Variants in KIF7 observed in about 807,000 individuals in gnomAD.
KIF7 encodes the protein kinesin family member 7, also known as kinesin-like protein KIF7.
Under a neutral mutation model 135.7 loss-of-function variants are expected in KIF7, and 104 were observed. The ratio of observed to expected loss-of-function variants is 0.77; its 90% CI spans 0.65 to 0.90. The LOEUF is 0.90. KIF7 is among the 40% of genes least tolerant of loss of function. The pLI, the probability that KIF7 is intolerant of heterozygous loss-of-function variation, is 0.00. For synonymous variants in KIF7, 883 were observed against 809.4 expected (o/e 1.09, Z -1.54); for missense variants, 2,005 against 1,839.1 (o/e 1.09, Z -1.65).
Position 89,633,964 on chromosome 15 carries a change from G to A in KIF7, c.2395-81C>T, listed in dbSNP as rs1008585490. ...TAGTGCTGGGCACTCAACAAGGGCA[G>A]GCAGATAGAGGGCAAATGGGTAGGT... On this transcript the variant is annotated intron_variant, in intron 11 of 18. Transcript: ENST00000394412. 1.9e-5 allele frequency: 28 copies of A among 1,479,602 alleles called. No individual in the cohort carries two copies. The East Asian group carries it at 4.3e-4, about 23-fold the overall frequency. 91.7% of individuals were successfully genotyped at this position (1,479,602 alleles called of 1,614,324 possible).
Position 89,628,250 on chromosome 15 carries a change from T to G in KIF7, c.*169A>C. The stretch of plus-strand genomic sequence containing the variant: ...TGCATATTATTTTGTTAAATGAGGG[T>G]CCAGTTCTTTTGGGCCATGGCCCAA... On this transcript the variant is annotated 3_prime_UTR_variant, in exon 19 of 19. Transcript: ENST00000394412. 1 of 707,152 alleles carries G rather than the reference T, an allele frequency of 1.4e-6. No individual in the cohort carries two copies. Among genetic ancestry groups the G allele is most frequent in the Non-Finnish European group, 2.3e-6 (1 of 434,416 alleles). The allele number at this position is 707,152 out of a possible 1,614,324, so 43.8% of individuals were successfully genotyped here.
intron 1 of KIF7, among the ~76,000 whole-genome samples, chr15:89,621,060 C>A (rs1453242741): frequency 6.7e-6 from 1 of 149,760 alleles, no homozygotes. Flanking sequence ...GCTCTTGTTG[C>A]CCAGGCTGGA....
chr15:89,632,774 C>A (rs377463019), intron 14 of KIF7, 46 bp downstream of exon 14: 15 of 1,581,926 alleles, frequency 9.5e-6, no homozygotes, highest in Admixed American at 3.5e-5. Context: ...CTGGACCTCA[C>A]TTCACTGGAC....
chr15:89,618,728 A>G (rs1963375454), intron 1 of KIF7, among the ~76,000 whole-genome samples: 1 of 152,238 alleles, frequency 6.6e-6, no homozygotes, highest in Non-Finnish European at 1.5e-5. Context: ...TGGGAAGCCA[A>G]GTGGGGAGGA....
At chr15:89,658,412 G>A (rs1964227395), upstream of KIF7, among the ~76,000 whole-genome samples, 1 of 151,430 alleles carries the variant, frequency 6.6e-6, no homozygotes, top group African/African-American at 2.4e-5. Flanking sequence ...ATTACACCAC[G>A]GCACTCCAGC....
chr15:89,624,142 G>C, downstream of KIF7: 2 of 1,613,944 alleles, frequency 1.2e-6, no homozygotes, highest in Admixed American at 1.7e-5. Flanking sequence ...TGCTCGGGCA[G>C]AGGAACCAGC....
At position 89,647,117 on chromosome 15, in the gene KIF7, G is replaced by A. The variant is rs1033685553; in HGVS notation, c.1561-60C>T. ...AATGCCCCGACAGGCAGGAGTGTAG[G>A]AAACTGAGGAACAGGTCTGAGGCCA... On this transcript the variant is annotated intron_variant, in intron 6 of 18. Coordinates refer to ENST00000394412, the MANE Select transcript of KIF7 (RefSeq NM_198525.3). 45 of 1,440,252 alleles carry A rather than the reference G, an allele frequency of 3.1e-5. No individual in the cohort carries two copies. The Admixed American group carries it at 8.2e-4, about 26-fold the overall frequency. 89.2% of individuals were successfully genotyped at this position (1,440,252 alleles called of 1,614,324 possible).
chr15:89,619,669 A>G (rs772628974), intron 1 of KIF7: 1 of 1,577,404 alleles, frequency 6.3e-7, no homozygotes, highest in Non-Finnish European at 8.6e-7. Context: ...TCAAGCTTGT[A>G]GTTGTCTTTG....
At chr15:89,626,932 C>CTAA (rs753975951), downstream of KIF7, 17 of 1,610,930 alleles carry the variant, frequency 1.1e-5, no homozygotes, top group Non-Finnish European at 1.4e-5. Context: ...CTCCTGCATG[C>CTAA]TAAGCCTTTC....
rs200662212 is a variant in KIF7 at position 89,621,426 on chromosome 15, G to T, written c.181-3231C>A. 1.9e-4 allele frequency: 305 copies of T among 1,610,450 alleles called. No homozygotes were observed. Among genetic ancestry groups the T allele is most frequent in the Middle Eastern group, 3.3e-4 (2 of 6,070 alleles). On this transcript the variant is annotated intron_variant and NMD_transcript_variant, in intron 1 of 2. Transcript: ENST00000558928. The stretch of plus-strand genomic sequence containing the variant: ...GAAAATTCTCCAGTCCAAAGTATTC[G>T]GTCTCCCAAGAGTCTTCTTTTTGGG...
chr15:89,625,770 AGAG>A, downstream of KIF7: 1 of 1,604,600 alleles, frequency 6.2e-7, no homozygotes, highest in East Asian at 2.2e-5. Flanking sequence ...CGGGAGACGA[AGAG>A]GTGTTTGTTT....
rs778060579 is a variant in KIF7 at position 89,647,684 on chromosome 15, G to T, written c.1472C>A (p.Thr491Asn). Residue 491 changes from threonine (T) to asparagine (N), a missense_variant, in exon 6 of 19, where the codon ACC (threonine) becomes AAC (asparagine). Coordinates refer to ENST00000394412, the MANE Select transcript of KIF7 (RefSeq NM_198525.3). Reference sequence around the variant, plus strand: ...CAGCCGCGCCACCTGGTTCTGCAGGGTCAGCAGCTGCTGCGCCCCCTCATC... The same window carrying T: ...CAGCCGCGCCACCTGGTTCTGCAGGTTCAGCAGCTGCTGCGCCCCCTCATC... ...KEDEGAQQLL[T>N]LQNQVARLEE... The T allele has an allele frequency of 6.3e-7, 1 of 1,598,748 alleles. No homozygotes were observed. Among genetic ancestry groups the T allele is most frequent in the Non-Finnish European group, 8.5e-7 (1 of 1,174,558 alleles).
In KIF7 at chr15:89,628,332, G is replaced by T. The variant is rs886051528; in HGVS notation, c.*87C>A. 2.9e-5 allele frequency: 43 copies of T among 1,501,670 alleles called. No individual in the cohort carries two copies. Among genetic ancestry groups the T allele is most frequent in the Non-Finnish European group, 3.8e-5 (42 of 1,117,346 alleles). 93.0% of individuals were successfully genotyped at this position (1,501,670 alleles called of 1,614,324 possible). A position where few individuals can be genotyped will look rare whatever the true frequency, so the allele number is the denominator to read the frequency against. On this transcript the variant is annotated 3_prime_UTR_variant, in exon 19 of 19. Coordinates refer to ENST00000394412, the MANE Select transcript of KIF7 (RefSeq NM_198525.3). ...GGCCTGGATTTAGGGTGTGCGGTAAGGACTGCCCTTCACAGAAGCAAAACA... is the reference window on the plus strand; with the variant it reads ...GGCCTGGATTTAGGGTGTGCGGTAATGACTGCCCTTCACAGAAGCAAAACA...
rs763238645 is a variant in KIF7 at position 89,647,058 on chromosome 15, C to A, written c.1561-1G>T. The A allele has an allele frequency of 6.3e-7, 1 of 1,581,518 alleles. No individual in the cohort carries two copies. Among genetic ancestry groups the A allele is most frequent in the Admixed American group, 1.8e-5 (1 of 55,878 alleles). ...CCTGCTGCTCACGCAGCCGGTCGCT[C>A]TGCAAGACATGGTCCAGGTGCCAAG... On this transcript the variant is annotated splice_acceptor_variant, in intron 6 of 18. Transcript: ENST00000394412. LOFTEE classifies it high-confidence loss of function.
At chr15:89,653,672 G>A (rs979623058) in intron 1 of KIF7, among the ~76,000 whole-genome samples, 71 of 152,290 alleles carry the variant, frequency 4.7e-4, no homozygotes, top group Non-Finnish European at 4.4e-4. Flanking sequence ...AGGCTTCCCA[G>A]GTTCAAGTGA....
intron 1 of KIF7, 108 bp downstream of exon 1, chr15:89,655,291 G>A (rs1008847629): frequency 2.0e-5 from 3 of 152,318 alleles, no homozygotes; most frequent in Non-Finnish European, 2.9e-5. Context: ...TCTCCCAGGA[G>A]TGCCGGCTCC....
chr15:89,630,016 C>T (rs770613937), intron 16 of KIF7: 5 of 555,544 alleles, frequency 9.0e-6, no homozygotes, highest in Non-Finnish European at 1.6e-5. Flanking sequence ...CACAAAAGGG[C>T]AAAAACTTCC....
rs955466940 is a variant in KIF7 at position 89,647,210 on chromosome 15, A to C, written c.1561-153T>G. Among the ~76,000 whole-genome samples, 3 of 152,086 alleles carry C rather than the reference A, an allele frequency of 2.0e-5. No homozygotes were observed. In the South Asian group the frequency reaches 6.2e-4, roughly 32 times the overall value. On this transcript the variant is annotated intron_variant, in intron 6 of 18. Coordinates refer to ENST00000394412, the MANE Select transcript of KIF7 (RefSeq NM_198525.3). ...CTCTCCTCCCCAACAACTCTGTAGGAGTTCAGACTCAAACTCACCCCACAG... is the reference window on the plus strand; with the variant it reads ...CTCTCCTCCCCAACAACTCTGTAGGCGTTCAGACTCAAACTCACCCCACAG...
upstream of KIF7, among the ~76,000 whole-genome samples, chr15:89,655,682 G>A (rs1964199206): frequency 6.6e-6 from 1 of 152,106 alleles, no homozygotes; most frequent in African/African-American, 2.4e-5. Context: ...TCTCCAAACT[G>A]GACTCCAGAC....
Sources: allele counts gnomAD v4.1 joint callset (sites outside exome capture counted in the v4.1 genomes callset), GRCh38; gene constraint gnomAD v4.1.1; transcripts MANE v1.5; gene names NCBI Gene and HGNC (gene_info 2026-07-23, HGNC 2026-07-21).